TTN: variants seen among roughly 807,000 people sequenced by gnomAD.
TTN encodes the protein titin.
A neutral mutation model predicts 3,223.0 loss-of-function variants in TTN; 1,525 were observed. That is an observed-to-expected ratio of 0.47 (90% CI 0.45 to 0.49). The LOEUF is 0.49. Among genes scored for constraint, TTN ranks in the 20% least tolerant of loss-of-function variants. TTN has a pLI of 0.00. For missense variants in TTN, 40,786 were observed against 43,424.0 expected (o/e 0.94, Z 5.40); for synonymous variants, 14,094 against 15,161.0 (o/e 0.93, Z 5.17).
At position 178,568,356 on chromosome 2, in the gene TTN, A is replaced by G. The variant is rs767986866; in HGVS notation, c.77776T>C (p.Tyr25926His). Residue 25926 changes from tyrosine to histidine, a missense_variant, in exon 326 of 363, where the codon TAC (tyrosine) becomes CAC (histidine). By Grantham distance (83) the Tyr-to-His change is moderately conservative (BLOSUM62 2). Transcript: ENST00000589042. ...GTTGTATCTCTTTTCTGAACAATGT[A>G]GTTGGTGATTTGGCAGCCCCCTGTA... ...LYTGGCQITN[Y>H]IVQKRDTTTT... 10 of 1,613,256 alleles carry G rather than the reference A, an allele frequency of 6.2e-6. No individual in the cohort carries two copies. The South Asian group carries it at 6.6e-5, about 11-fold the overall frequency.
chr2:178,565,232 A>G lies in TTN; in HGVS notation c.80900T>C (p.Val26967Ala), dbSNP rs753639960. The G allele has an allele frequency of 1.9e-6, 3 of 1,613,570 alleles. No individual in the cohort carries two copies. Among genetic ancestry groups the G allele is most frequent in the Non-Finnish European group, 1.7e-6 (2 of 1,179,694 alleles). ...AGGTCCAGGCTTTTCTAAAACGATA[A>G]CACTGAGATTTTCTGTTGCTGTGCC... ...SAGTATENLS[V>A]IVLEKPGPPV... is the part of the protein sequence containing the mutation. The change falls in exon 326 of 363, where the codon GTT becomes GCT. Residue 26967 changes from valine to alanine, a missense_variant. Coordinates refer to ENST00000589042, the MANE Select transcript of TTN (RefSeq NM_001267550.2).
chr2:178,719,371 G>C lies in TTN; in HGVS notation c.24019C>G (p.Arg8007Gly). 1 of 1,613,696 alleles carries C rather than the reference G, an allele frequency of 6.2e-7. No individual in the cohort carries two copies. The highest frequency in any genetic ancestry group is 1.1e-5 in the South Asian group (1 of 91,074). Residue 8007 changes from arginine (R) to glycine (G), a missense_variant, in exon 83 of 363, where the codon CGA (arginine) becomes GGA (glycine). Physicochemically the swap from Arg to Gly is moderately radical, Grantham distance 125. Coordinates refer to ENST00000589042, the MANE Select transcript of TTN (RefSeq NM_001267550.2). Reference sequence around the variant, plus strand: ...GAAATCGGGGCTGAGCCAGAGACTCGGCACTCCAAAACAACTGAGGCCCCC... The same window carrying C: ...GAAATCGGGGCTGAGCCAGAGACTCCGCACTCCAAAACAACTGAGGCCCCC... The part of the protein sequence containing the change: ...ILGASVVLEC[R>G]VSGSAPISVG...
chr2:178,771,167 A>G (rs2091428657), intron 34 of TTN, 44 bp downstream of exon 34: 1 of 1,612,714 alleles, frequency 6.2e-7, no homozygotes, highest in Non-Finnish European at 8.5e-7. Context: ...ATAACGATCA[A>G]GATTGTAATA....
At position 178,653,292 on chromosome 2, in the gene TTN, C is replaced by A. The variant is rs767120669; in HGVS notation, c.38737G>T (p.Glu12913Ter). ...GGAGGAGCCAAGGGCACTTTCTTTT[C>A]AAGGACAACTTCTTTGGGAGCCTCT... is the stretch of plus-strand genomic sequence containing the variant. Reference protein sequence around the residue: ...VPEAPKEVVLEKKVPLAPPKK... With the variant: ...VPEAPKEVVL Residue 12913 changes from glutamate to a stop codon, truncating the protein, a stop_gained, in exon 198 of 363, where the codon GAA (glutamate) becomes TAA (stop). Coordinates refer to ENST00000589042, the MANE Select transcript of TTN (RefSeq NM_001267550.2). LOFTEE classifies it high-confidence loss of function. The A allele has an allele frequency of 3.7e-6, 6 of 1,612,238 alleles. No individual in the cohort carries two copies. In the Admixed American group the frequency reaches 5.0e-5, roughly 13 times the overall value.
At chr2:178,790,889 A>C in intron 10 of TTN, 44 bp from the exon 11 acceptor site, 1 of 1,609,888 alleles carries the variant, frequency 6.2e-7, no homozygotes, top group African/African-American at 1.3e-5. Context: ...CAAAAGATAC[A>C]AAAGCAATGG....
chr2:178,706,325 T>C (rs2075860021), intron 102 of TTN, 129 bp downstream of exon 102: 1 of 940,644 alleles, frequency 1.1e-6, no homozygotes, highest in Non-Finnish European at 1.5e-6. Flanking sequence ...GTTGTTATGC[T>C]GTATTGTTTA....
intron 180 of TTN, among the ~76,000 whole-genome samples, chr2:178,660,744 C>G (rs1159527394): frequency 2.0e-5 from 3 of 152,302 alleles, no homozygotes; most frequent in African/African-American, 7.2e-5. Flanking sequence ...AACAGGCAAC[C>G]CACAGAATGG....
chr2:178,567,546 C>G lies in TTN; in HGVS notation c.78586G>C (p.Asp26196His), dbSNP rs777065318. The change falls in exon 326 of 363, where the codon GAT becomes CAT. Residue 26196 changes from aspartate (D) to histidine (H), a missense_variant. By Grantham distance (81) the Asp-to-His change is moderately conservative. Transcript: ENST00000589042. ...DEVELPRISM[D>H]PKFRDTIVVN... ...ACAATTGTGTCTCTGAATTTTGGAT[C>G]CATTGAAATTCTTGGGAGTTCAACC... is the stretch of plus-strand genomic sequence containing the variant. 24 of 1,609,816 alleles carry G rather than the reference C, an allele frequency of 1.5e-5. No individual in the cohort carries two copies. Among genetic ancestry groups the G allele is most frequent in the Non-Finnish European group, 2.0e-5 (23 of 1,177,972 alleles).
chr2:178,692,724 A>G (rs184754281), intron 119 of TTN, 144 bp from the exon 120 acceptor site: 2 of 584,600 alleles, frequency 3.4e-6, no homozygotes, highest in East Asian at 6.0e-5. Context: ...GTAAATGAAG[A>G]TGGCTGAATG....
chr2:178,735,387 T>C, intron 50 of TTN, 124 bp downstream of exon 50: 1 of 995,172 alleles, frequency 1.0e-6, no homozygotes, highest in Non-Finnish European at 1.4e-6. Flanking sequence ...TCCCAAACCA[T>C]AATGTTTGCT....
rs1012929202 is a variant in TTN at position 178,777,424 on chromosome 2, C to A, written c.4641G>T (p.Val1547=). Reference sequence around the variant, plus strand: ...TTTTATTTTATCTCATTTTACCTTCCACAGTTAAAATCACTGAAATTGAAG... The same window carrying A: ...TTTTATTTTATCTCATTTTACCTTCAACAGTTAAAATCACTGAAATTGAAG... ...GRSSISVILT[V]EAVEHQVKPM... The change falls in exon 26 of 363, where the codon GTG becomes GTT. Residue 1547 remains valine (V), a synonymous_variant. Transcript: ENST00000589042. 3 of 1,613,346 alleles carry A rather than the reference C, an allele frequency of 1.9e-6. No homozygotes were observed. Among genetic ancestry groups the A allele is most frequent in the Non-Finnish European group, 2.5e-6 (3 of 1,179,782 alleles).
chr2:178,592,728 CA>C (rs1377114978), intron 300 of TTN, 46 bp downstream of exon 300: 1 of 1,612,388 alleles, frequency 6.2e-7, no homozygotes, highest in South Asian at 1.1e-5. Flanking sequence ...CACATACAAT[CA>C]GACATCTATT....
intron 30 of TTN, 45 bp downstream of exon 30, chr2:178,774,161 AC>A: frequency 6.2e-7 from 1 of 1,614,070 alleles, no homozygotes; most frequent in Non-Finnish European, 8.5e-7. Flanking sequence ...TTATCAATAA[AC>A]CATAATGATG....
In TTN at chr2:178,578,128, G is replaced by A. The variant is rs756135570; in HGVS notation, c.68387C>T (p.Thr22796Ile). The change falls in exon 322 of 363, where the codon ACT (threonine) becomes ATT (isoleucine). Residue 22796 changes from threonine to isoleucine, a missense_variant. By Grantham distance (89) the Thr-to-Ile change is moderately conservative. Transcript: ENST00000589042. ...TTTAAAGTCTCTCATCCTTATCGGA[G>A]TCTTGTTAGCTCTCTTCCACAAAAG... ...NSLLWKRANKTPIRMRDFKVT... is the reference protein window; with the variant it reads ...NSLLWKRANKIPIRMRDFKVT... 1.2e-6 allele frequency: 2 copies of A among 1,613,168 alleles called. No individual in the cohort carries two copies. Among genetic ancestry groups the A allele is most frequent in the South Asian group, 1.1e-5 (1 of 91,058 alleles).
intron 92 of TTN, chr2:178,713,665 G>A (rs982402456): frequency 6.7e-5 from 48 of 712,782 alleles, no homozygotes; most frequent in Non-Finnish European, 9.7e-5. Flanking sequence ...CTTATCCAGG[G>A]ACTATTTTTC....
At position 178,788,247 on chromosome 2, in the gene TTN, G is replaced by A. The variant is rs551406737; in HGVS notation, c.2076+1113C>T. On this transcript the variant is annotated intron_variant, in intron 13 of 362. Transcript: ENST00000589042. Reference sequence around the variant, plus strand: ...AGTGAATCCTTCTCTAGTCATTGGCGGTGTGGCTGGTTCAGCAGATTTTGC... The same window carrying A: ...AGTGAATCCTTCTCTAGTCATTGGCAGTGTGGCTGGTTCAGCAGATTTTGC... 1.1e-4 allele frequency among the ~76,000 whole-genome samples: 17 copies of A among 152,114 alleles called. 1 individual carries two copies. The highest frequency in any genetic ancestry group is 3.4e-4 in the African/African-American group (14 of 41,536).
chr2:178,652,251 T>A lies in TTN; in HGVS notation c.39211+13A>T, dbSNP rs756966122. 12 of 1,613,280 alleles carry A rather than the reference T, an allele frequency of 7.4e-6. No homozygotes were observed. In the Admixed American group the frequency reaches 1.0e-4, roughly 13 times the overall value. ...ACAAACAATATCAAACACAGCACCA[T>A]GAGGGTGTCTACCTTTTGTGGGTGG... On this transcript the variant is annotated intron_variant, in intron 203 of 362. Transcript: ENST00000589042.
Position 178,739,462 on chromosome 2 carries a change from C to G in TTN, c.13771G>C (p.Val4591Leu). Residue 4591 changes from valine (V) to leucine (L), a missense_variant, in exon 48 of 363, where the codon GTA (valine) becomes CTA (leucine). By Grantham distance (32) the Val-to-Leu change is conservative. Coordinates refer to ENST00000589042, the MANE Select transcript of TTN (RefSeq NM_001267550.2). ...SESGTEEVAT[V>L]KIQEAEGGLI... ...CCACCCTCAGCTTCCTGTATCTTTA[C>G]TGTAGCAACCTCCTCAGTACCACTT... is the stretch of plus-strand genomic sequence containing the variant. 1 of 1,613,758 alleles carries G rather than the reference C, an allele frequency of 6.2e-7. No homozygotes were observed. The highest frequency in any genetic ancestry group is 8.5e-7 in the Non-Finnish European group (1 of 1,179,834).
In TTN at chr2:178,649,827, C is replaced by T. The variant is rs756518824; in HGVS notation, c.39885G>A (p.Pro13295=). The change falls in exon 211 of 363, where the codon CCG becomes CCA. Residue 13295 remains proline, a synonymous_variant. Coordinates refer to ENST00000589042, the MANE Select transcript of TTN (RefSeq NM_001267550.2). Reference sequence around the variant, plus strand: ...TTTTAACATGAGTACCTTTAGGAGGCGGTGCTTCTGGTTTTTTGATGACAG... The same window carrying T: ...TTTTAACATGAGTACCTTTAGGAGGTGGTGCTTCTGGTTTTTTGATGACAG... ...KVPVIKKPEA[P]PPKEPEMPKK... is the part of the protein sequence containing the mutation. The T allele has an allele frequency of 5.3e-5, 85 of 1,612,042 alleles. No homozygotes were observed. The highest frequency in any genetic ancestry group is 1.2e-4 in the South Asian group (11 of 90,588).
Sources: allele counts gnomAD v4.1 joint callset (sites outside exome capture counted in the v4.1 genomes callset), GRCh38; gene constraint gnomAD v4.1.1; transcripts MANE v1.5; gene names NCBI Gene and HGNC (gene_info 2026-07-23, HGNC 2026-07-21).